The following DHRSX variants were observed in gnomAD, a reference collection of about 807,000 sequenced individuals.
DHRSX encodes dehydrogenase/reductase X-linked, also known as polyprenol dehydrogenase.
Under a neutral mutation model 34.0 loss-of-function variants are expected in DHRSX, and 31 were observed. The observed-to-expected ratio is 0.91, with a 90% CI of 0.69 to 1.23. The LOEUF (loss-of-function observed/expected upper bound fraction) is 1.23. DHRSX is among the 50% of genes most tolerant of loss of function. The pLI, the probability that DHRSX is intolerant of heterozygous loss-of-function variation, is 0.00. For missense variants in DHRSX, 414 were observed against 428.1 expected, an observed-to-expected ratio of 0.97 and a Z score of 0.29; for synonymous variants, 201 against 183.8, an observed-to-expected ratio of 1.09 and a Z score of -0.76.
At chrX:2,277,233 A>AG (rs2041680133) in intron 4 of DHRSX, among the ~76,000 whole-genome samples, 1 of 6,822 alleles carries the variant, frequency 1.5e-4, no homozygotes, top group South Asian at 3.4e-3. Flanking sequence ...GAGAAGGAAG[A>AG]GGAGGAAATG....
chrX:2,273,878 T>C (rs1202256911), intron 4 of DHRSX, among the ~76,000 whole-genome samples: 8 of 152,180 alleles, frequency 5.3e-5, no homozygotes, highest in Admixed American at 3.3e-4. Flanking sequence ...TGACCTGTGC[T>C]CCAGATGAAT....
At chrX:2,262,642 C>G (rs1256574358) in intron 5 of DHRSX, among the ~76,000 whole-genome samples, 1 of 152,244 alleles carries the variant, frequency 6.6e-6, no homozygotes, top group Non-Finnish European at 1.5e-5. Context: ...GAAGGAGAAG[C>G]AGCCCCTCCC....
chrX:2,420,101 C>T (rs888450819), intron 2 of DHRSX, among the ~76,000 whole-genome samples: 1 of 152,162 alleles, frequency 6.6e-6, no homozygotes, highest in Non-Finnish European at 1.5e-5. Context: ...AAAGTTTTAA[C>T]TTGTCCCAGT....
intron 3 of DHRSX, among the ~76,000 whole-genome samples, chrX:2,394,960 T>C (rs2043391338): frequency 6.6e-6 from 1 of 150,946 alleles, no homozygotes; most frequent in Non-Finnish European, 1.5e-5. Context: ...TTACAGGTGA[T>C]GGAGGGAGGT....
intron 6 of DHRSX, 53 bp from the exon 7 acceptor site, chrX:2,221,282 CA>C: frequency 6.4e-7 from 1 of 1,560,394 alleles, no homozygotes; most frequent in Non-Finnish European, 8.7e-7. Flanking sequence ...GAGCAGGAAA[CA>C]GGAGTCTCAG....
At chrX:2,359,722 A>G (rs980457362) in intron 3 of DHRSX, among the ~76,000 whole-genome samples, 1 of 152,182 alleles carries the variant, frequency 6.6e-6, no homozygotes, top group Non-Finnish European at 1.5e-5. Context: ...GTACATAGAC[A>G]CCATGGAATA....
At chrX:2,491,066 G>GTT (rs900738620) in intron 1 of DHRSX, among the ~76,000 whole-genome samples, 22,293 of 109,494 alleles carry the variant, frequency 0.2, 3,254 homozygotes, top group East Asian at 0.63. Flanking sequence ...AGTGCCTTTA[G>GTT]TTTTTTTTTT....
chrX:2,253,037 G>A (rs768447324), intron 5 of DHRSX, among the ~76,000 whole-genome samples: 49 of 152,292 alleles, frequency 3.2e-4, no homozygotes, highest in Admixed American at 2.9e-3. Flanking sequence ...AATACAAAAA[G>A]TACCTGGGTG....
At chrX:2,344,872 C>CATATATATATATAT (rs775259345) in intron 3 of DHRSX, among the ~76,000 whole-genome samples, 8 of 98,368 alleles carry the variant, frequency 8.1e-5, no homozygotes, top group Admixed American at 1.2e-4. Context: ...TAAAAAGAAG[C>CATATATATATATAT]ATATATATAT....
intron 2 of DHRSX, among the ~76,000 whole-genome samples, chrX:2,421,536 C>CTG (rs2043779875): frequency 6.6e-6 from 1 of 152,216 alleles, no homozygotes; most frequent in Admixed American, 6.5e-5. Flanking sequence ...GACCAGAAGG[C>CTG]CACATGGGCT....
At chrX:2,311,039 T>G in intron 3 of DHRSX, among the ~76,000 whole-genome samples, 1 of 130,892 alleles carries the variant, frequency 7.6e-6, no homozygotes. Flanking sequence ...CCAGACTGAA[T>G]GAGAAGAACA....
At position 2,425,303 on chromosome X, in the gene DHRSX, A is replaced by C; in HGVS notation, c.111T>G (p.Val37=). The change falls in exon 2 of 7, where the codon GTT becomes GTG. Residue 37 remains valine, a splice_region_variant and synonymous_variant. Coordinates refer to ENST00000334651, the MANE Select transcript of DHRSX (RefSeq NM_145177.3). ...RRCRGGFLEP[V]FPPRPDRVAI... The stretch of plus-strand genomic sequence containing the variant: ...CGACACGGTCAGGTCGTGGGGGGAA[A>C]ACTGAAAAAGAAGAAGAGAAAATCA... 1 of 1,611,256 alleles carries C rather than the reference A, an allele frequency of 6.2e-7. No homozygotes were observed. Among genetic ancestry groups the C allele is most frequent in the East Asian group, 2.2e-5 (1 of 44,892 alleles).
At chrX:2,276,175 C>G (rs981602155) in intron 4 of DHRSX, among the ~76,000 whole-genome samples, 1 of 152,178 alleles carries the variant, frequency 6.6e-6, no homozygotes, top group Non-Finnish European at 1.5e-5. Context: ...TTTGGGAAAC[C>G]AGTGGTTTTG....
chrX:2,361,255 C>T lies in DHRSX; in HGVS notation c.286+47490G>A, dbSNP rs755513465. Among the ~76,000 whole-genome samples, 37 of 152,102 alleles carry T rather than the reference C, an allele frequency of 2.4e-4. No homozygotes were observed. The South Asian group carries it at 2.9e-3, about 12-fold the overall frequency. ...CCTCCTGAGTAGCTGGGACTACAGGCGCCCACCACCACACCCAATTTTTGT... is the reference window on the plus strand; with the variant it reads ...CCTCCTGAGTAGCTGGGACTACAGGTGCCCACCACCACACCCAATTTTTGT... On this transcript the variant is annotated intron_variant, in intron 3 of 6. Coordinates refer to ENST00000334651, the MANE Select transcript of DHRSX (RefSeq NM_145177.3).
At chrX:2,457,894 C>G (rs766109842) in intron 1 of DHRSX, among the ~76,000 whole-genome samples, 2 of 151,802 alleles carry the variant, frequency 1.3e-5, no homozygotes, top group African/African-American at 4.8e-5. Flanking sequence ...CAAGAGACGG[C>G]AGGGAATATG....
At chrX:2,493,751 T>C (rs2141814) in intron 1 of DHRSX, among the ~76,000 whole-genome samples, 127,527 of 152,052 alleles carry the variant, frequency 0.84, 54,045 homozygotes, top group East Asian at 1. Flanking sequence ...GGGTGGATCA[T>C]CTGAGGTCAG....
intron 3 of DHRSX, among the ~76,000 whole-genome samples, chrX:2,407,033 C>T (rs1271875743): frequency 4.6e-5 from 7 of 151,946 alleles, no homozygotes; most frequent in African/African-American, 7.3e-5. Context: ...CAACAACACA[C>T]GAAAGCATAA....
intron 6 of DHRSX, among the ~76,000 whole-genome samples, chrX:2,238,496 C>A (rs2016067097): frequency 6.6e-6 from 1 of 152,108 alleles, no homozygotes; most frequent in South Asian, 2.1e-4. Flanking sequence ...CAACCATGCC[C>A]TCAGATGATA....
intron 2 of DHRSX, among the ~76,000 whole-genome samples, chrX:2,423,946 C>A (rs181987861): frequency 1.3e-5 from 2 of 152,268 alleles, no homozygotes; most frequent in African/African-American, 4.8e-5. Flanking sequence ...AAGTATCCCG[C>A]AACATTGTTC....
Sources: gnomAD v4.1 joint callset for allele counts (sites outside exome capture counted in the v4.1 genomes callset) on GRCh38, gnomAD v4.1.1 for gene constraint, MANE v1.5 for transcripts, NCBI Gene and HGNC (gene_info 2026-07-23, HGNC 2026-07-21) for gene names.